Variants in ABCA8 observed in about 807,000 individuals in gnomAD.
ABCA8 encodes ABC-type organic anion transporter ABCA8.
Under a neutral mutation model 192.3 loss-of-function variants are expected in ABCA8, and 177 were observed. That is an observed-to-expected ratio of 0.92 (90% CI 0.81 to 1.04). ABCA8 has a LOEUF of 1.04. Among genes scored for constraint, ABCA8 ranks in the 50% least tolerant of loss-of-function variants. The pLI, the probability that ABCA8 is intolerant of heterozygous loss-of-function variation, is 0.00. For missense variants in ABCA8, 1,915 were observed against 1,904.8 expected (o/e 1.01, Z -0.10); for synonymous variants, 642 against 690.2 (o/e 0.93, Z 1.09).
chr17:68,944,703 T>TA (rs1319088274), intron 2 of ABCA8: 3 of 151,906 alleles, frequency 2.0e-5, no homozygotes, highest in African/African-American at 7.3e-5. Flanking sequence ...CGCTCTATGA[T>TA]AAAAGCCTTG....
intron 15 of ABCA8, 101 bp from the exon 16 acceptor site, chr17:68,918,286 G>A (rs900491619): frequency 5.3e-6 from 8 of 1,502,702 alleles, no homozygotes; most frequent in East Asian, 2.4e-5. Context: ...AGAGTATTAC[G>A]GTTAGGATTT....
chr17:68,902,845 G>C lies in ABCA8; in HGVS notation c.2632C>G (p.Leu878Val), dbSNP rs1420855205. 3 of 1,613,094 alleles carry C rather than the reference G, an allele frequency of 1.9e-6. No individual in the cohort carries two copies. Among genetic ancestry groups the C allele is most frequent in the African/African-American group, 2.7e-5 (2 of 74,860 alleles). ...LILMAGFCPL[L>V]VEYTMVKIYQ... ...ATTTTCACCATGGTATACTCCACAA[G>C]AAGAGGGCAAAATCCAGCCATTAGA... is the stretch of plus-strand genomic sequence containing the variant. The change falls in exon 21 of 40, where the codon CTT becomes GTT. Residue 878 changes from leucine (L) to valine (V), a missense_variant. Coordinates refer to ENST00000586539, the MANE Select transcript of ABCA8 (RefSeq NM_001288985.2).
intron 21 of ABCA8, among the ~76,000 whole-genome samples, chr17:68,900,867 G>A (rs553943429): frequency 6.6e-6 from 1 of 151,944 alleles, no homozygotes; most frequent in Non-Finnish European, 1.5e-5. Flanking sequence ...TGTTCATAAT[G>A]ACAACCCTAA....
intron 25 of ABCA8, 29 bp from the exon 26 acceptor site, chr17:68,887,159 T>A (rs746419710): frequency 6.6e-7 from 1 of 1,509,612 alleles, no homozygotes; most frequent in Non-Finnish European, 9.0e-7. Context: ...TGAAGCTTAG[T>A]TAAATACAAA....
At chr17:68,952,535 A>T (rs943465816) in intron 1 of ABCA8, among the ~76,000 whole-genome samples, 7 of 152,182 alleles carry the variant, frequency 4.6e-5, no homozygotes, top group African/African-American at 1.7e-4. Flanking sequence ...TTTTACCATC[A>T]AATGTCTATT....
At chr17:68,901,317 A>G (rs1233819110) in intron 21 of ABCA8, among the ~76,000 whole-genome samples, 1 of 152,158 alleles carries the variant, frequency 6.6e-6, no homozygotes, top group Non-Finnish European at 1.5e-5. Context: ...CATTTTTTCA[A>G]AAGAAAACAG....
chr17:68,903,466 T>G lies in ABCA8; in HGVS notation c.2432A>C (p.Lys811Thr). The G allele has an allele frequency of 6.2e-7, 1 of 1,614,100 alleles. No homozygotes were observed. Among genetic ancestry groups the G allele is most frequent in the Non-Finnish European group, 8.5e-7 (1 of 1,180,018 alleles). The change falls in exon 20 of 40, where the codon AAA becomes ACA. Residue 811 changes from lysine to threonine, a missense_variant. Lys to Thr is a moderately conservative substitution (Grantham distance 78, BLOSUM62 -1). Coordinates refer to ENST00000586539, the MANE Select transcript of ABCA8 (RefSeq NM_001288985.2). The part of the protein sequence containing the change: ...IAILGEVQAE[K>T]ADDTERLVEM... ...AACAAGCCTTTCAGTGTCGTCAGCT[T>G]TTTCCGCTTGTACTTCTCCCAAAAT...
chr17:68,906,405 T>A (rs2067068830), intron 18 of ABCA8, among the ~76,000 whole-genome samples: 1 of 152,158 alleles, frequency 6.6e-6, no homozygotes. Context: ...TTCATTTGCA[T>A]TTCTATTAAA....
chr17:68,947,716 ATTATTTAT>A (rs141125692), intron 2 of ABCA8, among the ~76,000 whole-genome samples: 78 of 151,422 alleles, frequency 5.2e-4, no homozygotes, highest in Admixed American at 2.3e-3. Flanking sequence ...TTATATTTAG[ATTATTTAT>A]TTATTTATTT....
In ABCA8 at chr17:68,918,161, C is replaced by T; in HGVS notation, c.1933G>A (p.Ala645Thr). 1 of 1,614,158 alleles carries T rather than the reference C, an allele frequency of 6.2e-7. No individual in the cohort carries two copies. The highest frequency in any genetic ancestry group is 8.5e-7 in the Non-Finnish European group (1 of 1,180,020). The stretch of plus-strand genomic sequence containing the variant: ...TGTCTTGAAAAGGGATCCAATCCAG[C>T]AGTTGGTTCATCCAACAGGAAAATC... The part of the protein sequence containing the change: ...PQIFLLDEPT[A>T]GLDPFSRHQV... The change falls in exon 16 of 40, where the codon GCT becomes ACT. Residue 645 changes from alanine to threonine, a missense_variant. Coordinates refer to ENST00000586539, the MANE Select transcript of ABCA8 (RefSeq NM_001288985.2).
intron 37 of ABCA8, among the ~76,000 whole-genome samples, chr17:68,873,946 G>A (rs1169527425): frequency 6.6e-6 from 1 of 152,072 alleles, no homozygotes; most frequent in African/African-American, 2.4e-5. Context: ...GTTTTGATTT[G>A]TGTAGCTTTG....
chr17:68,921,331 C>A (rs375336541), intron 13 of ABCA8, 51 bp downstream of exon 13: 20 of 1,356,100 alleles, frequency 1.5e-5, no homozygotes, highest in Non-Finnish European at 2.1e-5. Context: ...GCACATGTAC[C>A]CTAAAACTTA....
intron 1 of ABCA8, among the ~76,000 whole-genome samples, chr17:68,953,884 A>G (rs1437411055): frequency 2.0e-5 from 3 of 152,158 alleles, no homozygotes; most frequent in East Asian, 1.9e-4. Context: ...AATTATCTAT[A>G]GAAGTATAAT....
chr17:68,925,989 C>T (rs943724956), intron 10 of ABCA8, among the ~76,000 whole-genome samples: 1 of 152,086 alleles, frequency 6.6e-6, no homozygotes, highest in Non-Finnish European at 1.5e-5. Context: ...AAATACTATG[C>T]TTTTGAAACT....
rs116407723 is a variant in ABCA8 at position 68,924,433 on chromosome 17, A to G, written c.1442+268T>C. Among the ~76,000 whole-genome samples, 446 of 152,194 alleles carry G rather than the reference A, an allele frequency of 2.9e-3. 2 individuals carry two copies. The highest frequency in any genetic ancestry group is 0.01 in the African/African-American group (425 of 41,538). On this transcript the variant is annotated intron_variant, in intron 11 of 39. Transcript: ENST00000586539. ...GCAATGAGGGTGAAGAGAAACAAGT[A>G]AAAGACTGAATCCGGGCAAGGGTTT...
intron 5 of ABCA8, 78 bp from the exon 6 acceptor site, chr17:68,933,349 G>T: frequency 2.2e-6 from 2 of 900,020 alleles, no homozygotes; most frequent in Non-Finnish European, 3.4e-6. Context: ...ACTGATTATA[G>T]CAAACAGTGG....
At chr17:68,892,916 C>T (rs76810453) in intron 23 of ABCA8, among the ~76,000 whole-genome samples, 6,844 of 152,148 alleles carry the variant, frequency 0.045, 201 homozygotes, top group Middle Eastern at 0.078. Context: ...AGGCCAACAT[C>T]GGAAGATCTC....
Position 68,868,760 on chromosome 17 carries a change from C to G in ABCA8, c.4712-404G>C, listed in dbSNP as rs554782367. Among the ~76,000 whole-genome samples, 9 of 152,198 alleles carry G rather than the reference C, an allele frequency of 5.9e-5. No homozygotes were observed. The South Asian group carries it at 1.9e-3, about 32-fold the overall frequency. On this transcript the variant is annotated intron_variant, in intron 38 of 39. Coordinates refer to ENST00000586539, the MANE Select transcript of ABCA8 (RefSeq NM_001288985.2). ...TTAGAGAGCAGGTATCTTCACGGAC[C>G]TCTATCCAAAAACCATTGCAGCTTC...
At chr17:68,946,314 CGTT>C (rs2068406637) in intron 2 of ABCA8, among the ~76,000 whole-genome samples, 1 of 152,124 alleles carries the variant, frequency 6.6e-6, no homozygotes, top group Non-Finnish European at 1.5e-5. Context: ...GATCTGCCCA[CGTT>C]GGCCTCCCAA....
Sources: gnomAD v4.1 joint callset for allele counts (sites outside exome capture counted in the v4.1 genomes callset) on GRCh38, gnomAD v4.1.1 for gene constraint, MANE v1.5 for transcripts, NCBI Gene and HGNC (gene_info 2026-07-23, HGNC 2026-07-21) for gene names.